SLC35F4: variants seen among roughly 807,000 people sequenced by gnomAD.
SLC35F4 encodes the protein chromosome 14 open reading frame 36.
Under a neutral mutation model 44.2 loss-of-function variants are expected in SLC35F4, and 24 were observed. The ratio of observed to expected loss-of-function variants is 0.54; its 90% CI spans 0.39 to 0.76. SLC35F4 has a LOEUF of 0.76. SLC35F4 is among the 30% of genes least tolerant of loss of function. The probability of loss-of-function intolerance (pLI) is 0.00; values close to 1 mark genes in which losing one functional copy is unlikely to be tolerated. For missense variants in SLC35F4, 562 were observed against 586.1 expected, an observed-to-expected ratio of 0.96 and a Z score of 0.42; for synonymous variants, 238 against 223.6, an observed-to-expected ratio of 1.06 and a Z score of -0.57.
intron 1 of SLC35F4, among the ~76,000 whole-genome samples, chr14:57,637,079 T>C (rs1311685188): frequency 6.6e-6 from 1 of 152,118 alleles, no homozygotes; most frequent in East Asian, 1.9e-4. Context: ...CAAAGAAGCT[T>C]TGCATACGTT....
intron 1 of SLC35F4, among the ~76,000 whole-genome samples, chr14:57,801,706 T>C (rs1050294913): frequency 6.6e-6 from 1 of 152,044 alleles, no homozygotes; most frequent in Non-Finnish European, 1.5e-5. Context: ...AAACAGACAT[T>C]AAACCAATAA....
rs143764870 is a variant in SLC35F4 at position 57,568,233 on chromosome 14, C to T, written c.1126+1555G>A. Among the ~76,000 whole-genome samples the T allele has an allele frequency of 5.9e-5, 9 of 152,294 alleles. No homozygotes were observed. In the East Asian group the frequency reaches 7.7e-4, roughly 13 times the overall value. On this transcript the variant is annotated intron_variant, in intron 6 of 7. Transcript: ENST00000556826. ...GTGTGGAGCTCATACTGCTTGGTGG[C>T]GAATGCCAGTGTTCAGCTAGCACAG...
intron 1 of SLC35F4, among the ~76,000 whole-genome samples, chr14:57,803,882 GTCCCAAAAGCT>G (rs1194616965): frequency 6.6e-6 from 1 of 151,788 alleles, no homozygotes; most frequent in Non-Finnish European, 1.5e-5. Context: ...GAGCCACCCA[GTCCCAAAAGCT>G]TCTTAAGCTG....
chr14:57,664,801 G>T (rs2074253748), intron 1 of SLC35F4, among the ~76,000 whole-genome samples: 1 of 152,174 alleles, frequency 6.6e-6, no homozygotes, highest in African/African-American at 2.4e-5. Flanking sequence ...ACTGGGAGTT[G>T]CTTCCATGAA....
At position 57,911,401 on chromosome 14, in the gene SLC35F4, G is replaced by A. The variant is rs184944647; in HGVS notation, n.282+70512C>T. 1.4e-4 allele frequency among the ~76,000 whole-genome samples: 22 copies of A among 152,084 alleles called. No individual in the cohort carries two copies. In the East Asian group the frequency reaches 2.3e-3, roughly 16 times the overall value. On this transcript the variant is annotated intron_variant and non_coding_transcript_variant, in intron 1 of 1. Coordinates refer to the SLC35F4 transcript ENST00000556568. The stretch of plus-strand genomic sequence containing the variant: ...AAAGATTCAAGTCTCTCCCCGTTAC[G>A]TATGATGTTAGCTGTAGGCTTTTTG...
intron 2 of SLC35F4, among the ~76,000 whole-genome samples, chr14:57,591,690 C>T (rs147514984): frequency 3.3e-5 from 5 of 152,210 alleles, no homozygotes; most frequent in Non-Finnish European, 7.3e-5. Context: ...GCTTTCCATT[C>T]AGGCACTGCA....
chr14:57,644,835 A>C (rs941746817), intron 1 of SLC35F4, among the ~76,000 whole-genome samples: 24 of 152,214 alleles, frequency 1.6e-4, no homozygotes, highest in African/African-American at 4.8e-4. Flanking sequence ...AGCTTACTAC[A>C]TGTGGCTAGC....
intron 1 of SLC35F4, among the ~76,000 whole-genome samples, chr14:57,696,636 A>G (rs2075391408): frequency 6.6e-6 from 1 of 152,248 alleles, no homozygotes; most frequent in African/African-American, 2.4e-5. Flanking sequence ...CTGCAGCACG[A>G]TTTACAATAG....
chr14:57,699,397 G>A (rs1045906807), intron 1 of SLC35F4, among the ~76,000 whole-genome samples: 16 of 152,086 alleles, frequency 1.1e-4, no homozygotes, highest in African/African-American at 3.6e-4. Context: ...ATTTCCCCAC[G>A]TGAATAGCAA....
At chr14:57,811,235 T>A (rs1467857859) in intron 1 of SLC35F4, among the ~76,000 whole-genome samples, 2 of 152,142 alleles carry the variant, frequency 1.3e-5, no homozygotes, top group Non-Finnish European at 1.5e-5. Context: ...TGGGGAAAGG[T>A]AGAGTGGAAA....
At position 57,829,112 on chromosome 14, in the gene SLC35F4, G is replaced by C. The variant is rs186822929; in HGVS notation, c.103+36611C>G. 1.9e-3 allele frequency among the ~76,000 whole-genome samples: 294 copies of C among 152,302 alleles called. 4 individuals carry two copies. The highest frequency in any genetic ancestry group is 6.7e-3 in the African/African-American group (279 of 41,568). On this transcript the variant is annotated intron_variant, in intron 1 of 7. Transcript: ENST00000556826. ...TTGAATCAGGGATGTTCACACAAAG[G>C]TTCTGACATCCAAGCACCAAATGAG...
chr14:57,768,199 G>A (rs1425202201), intron 1 of SLC35F4, among the ~76,000 whole-genome samples: 1 of 152,100 alleles, frequency 6.6e-6, no homozygotes, highest in African/African-American at 2.4e-5. Context: ...GATGAAATAT[G>A]AATTTTTCCA....
At chr14:57,935,422 C>A (rs1413544150) in intron 1 of SLC35F4, among the ~76,000 whole-genome samples, 1 of 152,064 alleles carries the variant, frequency 6.6e-6, no homozygotes, top group Non-Finnish European at 1.5e-5. Flanking sequence ...GTCAAGGCAC[C>A]CAAGATACTC....
At chr14:57,655,668 C>T (rs907623791) in intron 1 of SLC35F4, among the ~76,000 whole-genome samples, 1 of 152,128 alleles carries the variant, frequency 6.6e-6, no homozygotes, top group Non-Finnish European at 1.5e-5. Context: ...TGCCACCTCA[C>T]CCAGAGCTGT....
chr14:57,868,274 T>C (rs556817512), upstream of SLC35F4, among the ~76,000 whole-genome samples: 1 of 152,282 alleles, frequency 6.6e-6, no homozygotes, highest in Admixed American at 6.5e-5. Context: ...ACCAAAATAG[T>C]AAATGCCAGC....
At chr14:57,634,261 G>T (rs750772326) in intron 1 of SLC35F4, among the ~76,000 whole-genome samples, 1 of 152,098 alleles carries the variant, frequency 6.6e-6, no homozygotes, top group Non-Finnish European at 1.5e-5. Flanking sequence ...TGATAAGTGC[G>T]GTTGAAGGCA....
At chr14:57,655,774 G>A (rs867293326) in intron 1 of SLC35F4, among the ~76,000 whole-genome samples, 13 of 151,904 alleles carry the variant, frequency 8.6e-5, no homozygotes, top group African/African-American at 3.1e-4. Flanking sequence ...TTCTCACTTC[G>A]GACTCAAGTG....
intron 1 of SLC35F4, among the ~76,000 whole-genome samples, chr14:57,783,606 C>A (rs2077683378): frequency 6.6e-6 from 1 of 152,150 alleles, no homozygotes; most frequent in Non-Finnish European, 1.5e-5. Context: ...GATTGTGCAA[C>A]AAGGCCTGGA....
intron 1 of SLC35F4, among the ~76,000 whole-genome samples, chr14:57,939,320 G>A (rs1312245930): frequency 1.3e-5 from 2 of 152,174 alleles, no homozygotes; most frequent in Non-Finnish European, 2.9e-5. Context: ...CCTCAAAGCA[G>A]TCCCTAGATC....
Sources: allele counts gnomAD v4.1 joint callset (sites outside exome capture counted in the v4.1 genomes callset), GRCh38; gene constraint gnomAD v4.1.1; transcripts MANE v1.5; gene names NCBI Gene and HGNC (gene_info 2026-07-23, HGNC 2026-07-21).